The following FNBP1 variants were observed in gnomAD, a reference collection of about 807,000 sequenced individuals.
FNBP1 encodes formin binding protein 1, also known as formin-binding protein 1.
Under a neutral mutation model 90.6 loss-of-function variants are expected in FNBP1, and 26 were observed. The ratio of observed to expected loss-of-function variants is 0.29; its 90% CI spans 0.21 to 0.40. The LOEUF (loss-of-function observed/expected upper bound fraction) is 0.40. Ranked by LOEUF, FNBP1 falls within the 10% of genes least tolerant of loss-of-function variation. FNBP1 has a pLI of 1.00. For synonymous variants in FNBP1, 260 were observed against 265.2 expected (o/e 0.98, Z 0.19); for missense variants, 635 against 768.0 (o/e 0.83, Z 2.05).
chr9:129,987,301 G>C (rs140183654), intron 2 of FNBP1, among the ~76,000 whole-genome samples: 1 of 152,146 alleles, frequency 6.6e-6, no homozygotes, highest in East Asian at 1.9e-4. Context: ...CTGTTGTAGA[G>C]AGAAGTGCTG....
At chr9:129,899,204 A>G (rs1400127547) in intron 15 of FNBP1, among the ~76,000 whole-genome samples, 1 of 151,642 alleles carries the variant, frequency 6.6e-6, no homozygotes, top group Middle Eastern at 3.2e-3. Flanking sequence ...CAGCCTCCCG[A>G]GCAGCTGGGA....
chr9:130,032,203 G>C (rs1174497698), intron 1 of FNBP1, among the ~76,000 whole-genome samples: 1 of 147,454 alleles, frequency 6.8e-6, no homozygotes, highest in African/African-American at 2.5e-5. Context: ...GTCTTGCTCT[G>C]TCACCCAGGC....
chr9:129,972,681 G>A (rs1232307447), intron 4 of FNBP1, among the ~76,000 whole-genome samples: 6 of 152,032 alleles, frequency 3.9e-5, no homozygotes, highest in Admixed American at 2.6e-4. Context: ...ACAGGCACGC[G>A]CCACTGTGCC....
rs143744056 is a variant in FNBP1, at chr9:130,010,948, G to C, written c.25-15990C>G. On this transcript the variant is annotated intron_variant, in intron 1 of 16. Transcript: ENST00000446176. ...ACTTGCAGGGCTCAAGATAGACATG[G>C]GATTAGGGAAGGCCTTTCAGAGGGA... Among the ~76,000 whole-genome samples, 5 of 151,456 alleles carry C rather than the reference G, an allele frequency of 3.3e-5. No homozygotes were observed. In the East Asian group the frequency reaches 5.8e-4, roughly 18 times the overall value.
chr9:130,038,080 C>T (rs945817127), intron 1 of FNBP1, among the ~76,000 whole-genome samples: 1 of 152,078 alleles, frequency 6.6e-6, no homozygotes, highest in Non-Finnish European at 1.5e-5. Flanking sequence ...GTCGGCCGGG[C>T]GCGGTGGCTC....
chr9:130,000,014 C>T (rs1379279320), intron 1 of FNBP1, among the ~76,000 whole-genome samples: 2 of 152,170 alleles, frequency 1.3e-5, no homozygotes, highest in African/African-American at 2.4e-5. Context: ...AGACATTCTC[C>T]TTTGATACCA....
chr9:129,893,618 A>AAAAAAAAAAAAAAAGC, intron 16 of FNBP1, among the ~76,000 whole-genome samples: 1 of 119,782 alleles, frequency 8.3e-6, no homozygotes, highest in Non-Finnish European at 1.7e-5. Flanking sequence ...GTCTCAAAAA[A>AAAAAAAAAAAAAAAGC]AAAAAAAAAA....
At chr9:129,999,264 T>C (rs896495248) in intron 1 of FNBP1, among the ~76,000 whole-genome samples, 10 of 152,134 alleles carry the variant, frequency 6.6e-5, no homozygotes, top group Admixed American at 2.0e-4. Context: ...TGATGTCACA[T>C]CACGGTGGTT....
chr9:130,047,306 T>G (rs1472305129), upstream of FNBP1, among the ~76,000 whole-genome samples: 1 of 152,220 alleles, frequency 6.6e-6, no homozygotes, highest in African/African-American at 2.4e-5. Flanking sequence ...AAGTCCCCTA[T>G]GTGAATTATT....
chr9:129,890,523 TCG>T lies in FNBP1; in HGVS notation c.*14_*15del. The T allele has an allele frequency of 1.3e-6, 2 of 1,584,460 alleles. No homozygotes were observed. The highest frequency in any genetic ancestry group is 1.7e-6 in the Non-Finnish European group (2 of 1,166,052). On this transcript the variant is annotated 3_prime_UTR_variant, in exon 17 of 17. Coordinates refer to ENST00000446176, the MANE Select transcript of FNBP1 (RefSeq NM_015033.3). The surrounding 1 kb of genome is among the most constrained non-coding windows in gnomAD (Gnocchi z 5.8). ...TCCTCCAGGAAGGCTCACCCGAGGC[TCG>T]CAGGCACTCCCCTCTAGGAATCTAC... is the stretch of plus-strand genomic sequence containing the variant.
the FNBP1 span, among the ~76,000 whole-genome samples, chr9:130,048,314 C>CAAAAA: frequency 0.012 from 594 of 50,704 alleles, 133 homozygotes; most frequent in Middle Eastern, 0.053. Flanking sequence ...GACTCCATCT[C>CAAAAA]AAAAAAAAAA....
At position 129,900,493 on chromosome 9, in the gene FNBP1, G is replaced by A. The variant is rs779545854; in HGVS notation, c.1483C>T (p.Arg495Trp). The A allele has an allele frequency of 8.1e-6, 13 of 1,600,200 alleles. No homozygotes were observed. Among genetic ancestry groups the A allele is most frequent in the East Asian group, 2.3e-5 (1 of 43,710 alleles). ...RLPARSEQAR[R>W]QSGLYDSQNP... The stretch of plus-strand genomic sequence containing the variant: ...TGGCTGTCGTACAGTCCGCTCTGCC[G>A]GCGCGCCTGCTCGCTGCGTGCTGGG... Residue 495 changes from arginine to tryptophan, a missense_variant, in exon 14 of 17, where the codon CGG (arginine) becomes TGG (tryptophan). Physicochemically the swap from Arg to Trp is moderately radical, Grantham distance 101. Transcript: ENST00000446176. This position sits in a 1 kb window ranked among gnomAD's most constrained non-coding sequence, Gnocchi z 4.1.
chr9:129,907,621 GTGTGT>G (rs2038384528), intron 12 of FNBP1, among the ~76,000 whole-genome samples: 1 of 102,274 alleles, frequency 9.8e-6, no homozygotes, highest in Non-Finnish European at 2.1e-5. Context: ...GTGTGTGTGT[GTGTGT>G]TATTTGACTG....
Position 129,957,308 on chromosome 9 carries a change from G to T in FNBP1, c.513+52C>A. ...TCACCTCAGCCTCCCAAAGTGCTGG[G>T]ATTACAGGCGTGAGCCACCGTGCCC... On this transcript the variant is annotated intron_variant, in intron 6 of 16. Transcript: ENST00000446176. This position sits in a 1 kb window ranked among gnomAD's most constrained non-coding sequence, Gnocchi z 4.3. The T allele has an allele frequency of 7.6e-7, 1 of 1,314,440 alleles. No homozygotes were observed. The highest frequency in any genetic ancestry group is 1.1e-6 in the Non-Finnish European group (1 of 913,636). 81.4% of individuals were successfully genotyped at this position (1,314,440 alleles called of 1,614,324 possible).
At chr9:129,968,961 T>C (rs1363300022) in intron 4 of FNBP1, among the ~76,000 whole-genome samples, 1 of 152,202 alleles carries the variant, frequency 6.6e-6, no homozygotes, top group Non-Finnish European at 1.5e-5. Context: ...GCTATAAATC[T>C]TCACAAATTT....
chr9:129,952,987 A>G (rs2046400917), intron 6 of FNBP1, among the ~76,000 whole-genome samples: 1 of 152,242 alleles, frequency 6.6e-6, no homozygotes, highest in South Asian at 2.1e-4. Context: ...GTGTTAGAAC[A>G]AGTTGAAAAA....
At chr9:129,893,898 G>A (rs1385051885) in intron 16 of FNBP1, among the ~76,000 whole-genome samples, 1 of 131,300 alleles carries the variant, frequency 7.6e-6, no homozygotes. Flanking sequence ...CCTGGCGACA[G>A]AGCGAGACTC....
rs529420753 is a variant in FNBP1 at position 129,899,638 on chromosome 9, A to T, written c.1687+327T>A. ...CAGCTACTCAGGAGGCTGAGGTTGG[A>T]GGATCACTTGAGCCCAGGAGGTCAA... On this transcript the variant is annotated intron_variant, in intron 15 of 16. Coordinates refer to ENST00000446176, the MANE Select transcript of FNBP1 (RefSeq NM_015033.3). Among the ~76,000 whole-genome samples, 11 of 152,078 alleles carry T rather than the reference A, an allele frequency of 7.2e-5. No homozygotes were observed. In the South Asian group the frequency reaches 2.3e-3, roughly 32 times the overall value.
intron 11 of FNBP1, among the ~76,000 whole-genome samples, chr9:129,914,176 C>CT (rs770333230): frequency 1.5e-3 from 206 of 141,164 alleles, no homozygotes; most frequent in Middle Eastern, 3.7e-3. Context: ...TTTCTTTTGT[C>CT]TTTTTTTTTT....
Sources: gnomAD v4.1 joint callset for allele counts (sites outside exome capture counted in the v4.1 genomes callset) on GRCh38, gnomAD v4.1.1 for gene constraint, Gnocchi (gnomAD v3.1) non-coding constraint, MANE v1.5 for transcripts, NCBI Gene and HGNC (gene_info 2026-07-23, HGNC 2026-07-21) for gene names.